Variants in DNAH1 observed in about 807,000 individuals in gnomAD.
DNAH1 encodes dynein axonemal heavy chain 1.
DNAH1 carries 327 observed loss-of-function variants against 484.3 expected under a neutral mutation model. The ratio of observed to expected loss-of-function variants is 0.68; its 90% confidence interval spans 0.62 to 0.74. The LOEUF is 0.74. Ranked by LOEUF, DNAH1 falls within the 30% of genes least tolerant of loss-of-function variation. The pLI is 0.00. For missense variants in DNAH1, 5,052 were observed against 5,546.8 expected (o/e 0.91, Z 2.83); for synonymous variants, 2,192 against 2,191.9 (o/e 1.00, Z 0.00).
At chr3:52,348,302 G>A (rs1165942186) in intron 12 of DNAH1, among the ~76,000 whole-genome samples, 2 of 152,164 alleles carry the variant, frequency 1.3e-5, no homozygotes, top group African/African-American at 2.4e-5. Flanking sequence ...TTGGAACTGC[G>A]ATCTGAACCC....
intron 48 of DNAH1, among the ~76,000 whole-genome samples, chr3:52,380,819 TC>T (rs1703812358): frequency 6.6e-6 from 1 of 152,336 alleles, no homozygotes; most frequent in East Asian, 1.9e-4. Context: ...GCAAGCAAGT[TC>T]CTACAAGGGA....
Position 52,344,545 on chromosome 3 carries a change from A to G in DNAH1, c.1342A>G (p.Ser448Gly). ...AGAAGTGAGCCTGGACTATGAGCGCAGCATGAACAAGATCAACTTTGACCA... is the reference window on the plus strand; with the variant it reads ...AGAAGTGAGCCTGGACTATGAGCGCGGCATGAACAAGATCAACTTTGACCA... ...AREVSLDYER[S>G]MNKINFDHVV... Residue 448 changes from serine (S) to glycine (G), a missense_variant, in exon 9 of 78, where the codon AGC (serine) becomes GGC (glycine). Ser to Gly is a moderately conservative substitution (Grantham distance 56). Transcript: ENST00000420323. 1 of 1,614,042 alleles carries G rather than the reference A, an allele frequency of 6.2e-7. No homozygotes were observed. Among genetic ancestry groups the G allele is most frequent in the Non-Finnish European group, 8.5e-7 (1 of 1,179,864 alleles).
At chr3:52,365,198 C>G (rs1703023687) in intron 34 of DNAH1, among the ~76,000 whole-genome samples, 179 bp downstream of exon 34, 1 of 152,238 alleles carries the variant, frequency 6.6e-6, no homozygotes, top group Non-Finnish European at 1.5e-5. Context: ...CCGGCCCAGT[C>G]TCCACCAAAA....
At position 52,388,401 on chromosome 3, in the gene DNAH1, C is replaced by A; in HGVS notation, c.9172-17C>A. 2 of 1,605,908 alleles carry A rather than the reference C, an allele frequency of 1.2e-6. No individual in the cohort carries two copies. Among genetic ancestry groups the A allele is most frequent in the South Asian group, 1.1e-5 (1 of 89,734 alleles). On this transcript the variant is annotated splice_polypyrimidine_tract_variant and intron_variant, in intron 57 of 77. Transcript: ENST00000420323. ...GGGGGTACTTGGCGAGCTAATCCTG[C>A]GCCCTCCGCCCCACAGCAAGCCCTG...
intron 8 of DNAH1, among the ~76,000 whole-genome samples, chr3:52,339,297 G>A (rs1701844428): frequency 6.7e-6 from 1 of 149,144 alleles, no homozygotes; most frequent in African/African-American, 2.5e-5. Flanking sequence ...GTTATATCCT[G>A]CCTTTCTTCA....
intron 11 of DNAH1, 142 bp downstream of exon 11, chr3:52,346,912 C>A: frequency 1.1e-6 from 1 of 908,178 alleles, no homozygotes; most frequent in Non-Finnish European, 1.6e-6. Flanking sequence ...TCCCTGCAGG[C>A]TGCTGGGCAA....
chr3:52,333,104 T>G (rs1701613304), intron 8 of DNAH1, among the ~76,000 whole-genome samples: 2 of 152,184 alleles, frequency 1.3e-5, no homozygotes, highest in Admixed American at 6.5e-5. Context: ...CAGGCTGGCC[T>G]TGAATGCCTA....
In DNAH1 at chr3:52,348,919, A is replaced by AC; in HGVS notation, c.2143dup (p.Leu715ProfsTer9). ...ATGGAGGACATCTTCATCAGCGGTG[A>AC]CCCCCTGCTGGAGTCCGTGGGCCTT... On this transcript the variant is annotated frameshift_variant, in exon 13 of 78. Coordinates refer to ENST00000420323, the MANE Select transcript of DNAH1 (RefSeq NM_015512.5). LOFTEE classifies it high-confidence loss of function. The AC allele has an allele frequency of 1.9e-6, 3 of 1,612,564 alleles. No individual in the cohort carries two copies. Among genetic ancestry groups the AC allele is most frequent in the Non-Finnish European group, 1.7e-6 (2 of 1,179,716 alleles).
In DNAH1 at chr3:52,369,989, T is replaced by A; in HGVS notation, c.6108T>A (p.His2036Gln). The change falls in exon 38 of 78, where the codon CAT becomes CAA. Residue 2036 changes from histidine (H) to glutamine (Q), a missense_variant. Transcript: ENST00000420323. ...LPPLLKPYEE[H>Q]FKALFVSFLE... ...CCTTGCTGAAGCCCTATGAGGAGCA[T>A]TTCAAGGCCCTCTTTGTCAGCTTCC... is the stretch of plus-strand genomic sequence containing the variant. 1 of 1,613,638 alleles carries A rather than the reference T, an allele frequency of 6.2e-7. No individual in the cohort carries two copies. The highest frequency in any genetic ancestry group is 1.1e-5 in the South Asian group (1 of 91,074).
At chr3:52,363,690 G>A (rs920941963) in intron 32 of DNAH1, among the ~76,000 whole-genome samples, 1 of 152,208 alleles carries the variant, frequency 6.6e-6, no homozygotes, top group Non-Finnish European at 1.5e-5. Context: ...CCTCTGGGCT[G>A]ACATGCTAGC....
chr3:52,379,966 TG>T lies in DNAH1; in HGVS notation c.7441del (p.Val2481Ter). On this transcript the variant is annotated frameshift_variant, in exon 48 of 78. Coordinates refer to ENST00000420323, the MANE Select transcript of DNAH1 (RefSeq NM_015512.5). LOFTEE classifies it high-confidence loss of function. This position sits in a 1 kb window ranked among gnomAD's most constrained non-coding sequence, Gnocchi z 4.4. ...HENCRVFRDR[L>X]VNEEDRSWFD... Reference sequence around the variant, plus strand: ...AACTGCCGCGTGTTCCGGGACCGACTGGTGAATGAGGAGGACCGCAGCTGGT... The same window carrying T: ...AACTGCCGCGTGTTCCGGGACCGACTGTGAATGAGGAGGACCGCAGCTGGT... 6.3e-7 allele frequency: 1 copy of T among 1,585,400 alleles called. No homozygotes were observed. The highest frequency in any genetic ancestry group is 8.6e-7 in the Non-Finnish European group (1 of 1,166,164).
chr3:52,397,248 G>C (rs191010095), intron 73 of DNAH1, among the ~76,000 whole-genome samples: 2 of 152,116 alleles, frequency 1.3e-5, no homozygotes, highest in East Asian at 3.9e-4. Context: ...CTCTGTGAGT[G>C]AACTCCTGGT....
chr3:52,398,050 CAA>C lies in DNAH1; in HGVS notation c.11980_11981del (p.Asn3994HisfsTer7). 6.2e-7 allele frequency: 1 copy of C among 1,613,814 alleles called. No homozygotes were observed. The highest frequency in any genetic ancestry group is 8.5e-7 in the Non-Finnish European group (1 of 1,179,832). ...CCTGCAGATAGTGGAGGACGTCACC[CAA>C]AACATTCTGCTCAAGGTGCCTGAGC... ...GREEIVEDVT[Q>X]NILLKVPEPI... is the part of the protein sequence containing the mutation. On this transcript the variant is annotated frameshift_variant, in exon 75 of 78. Transcript: ENST00000420323. LOFTEE classifies it high-confidence loss of function.
chr3:52,359,468 C>T, intron 26 of DNAH1, 82 bp downstream of exon 26: 4 of 1,516,988 alleles, frequency 2.6e-6, no homozygotes, highest in Non-Finnish European at 3.6e-6. Context: ...GAAGCTTTCT[C>T]CTATAGTGAG....
In DNAH1 at chr3:52,357,685, G is replaced by A. The variant is rs374009824; in HGVS notation, c.3930G>A (p.Val1310=). ...LRDCNKILDL[V]QKGLSEYLET... is the part of the protein sequence containing the mutation. ...ACTGCAACAAGATTCTGGACCTGGT[G>A]CAGAAGGGCCTCAGCGAGTATCTGG... Residue 1310 remains valine, a synonymous_variant, in exon 23 of 78, where the codon GTG becomes GTA. Coordinates refer to ENST00000420323, the MANE Select transcript of DNAH1 (RefSeq NM_015512.5). 3.1e-6 allele frequency: 5 copies of A among 1,592,462 alleles called. No homozygotes were observed. The highest frequency in any genetic ancestry group is 4.3e-6 in the Non-Finnish European group (5 of 1,169,072).
intron 43 of DNAH1, among the ~76,000 whole-genome samples, chr3:52,372,593 C>T (rs564638553): frequency 4.6e-5 from 7 of 152,348 alleles, no homozygotes; most frequent in East Asian, 1.9e-4. Flanking sequence ...AGCCAGTCAG[C>T]GAGTGGGTGC....
In DNAH1 at chr3:52,399,214, C is replaced by G; in HGVS notation, c.12441+13C>G. 6.3e-7 allele frequency: 1 copy of G among 1,589,920 alleles called. No homozygotes were observed. The highest frequency in any genetic ancestry group is 8.6e-7 in the Non-Finnish European group (1 of 1,166,388). ...CTTTGATTTCAAGGTCTGGGCACAG[C>G]CAGGGCCAGGTCAGGTGACAGGCTA... On this transcript the variant is annotated intron_variant, in intron 76 of 77. Coordinates refer to ENST00000420323, the MANE Select transcript of DNAH1 (RefSeq NM_015512.5).
Position 52,369,899 on chromosome 3 carries a change from G to A in DNAH1, c.6018G>A (p.Val2006=), listed in dbSNP as rs1703252442. Residue 2006 remains valine, a synonymous_variant, in exon 38 of 78, where the codon GTG becomes GTA. Transcript: ENST00000420323. ...SPATVSRCGM[V]YLEPSILGLM... Reference sequence around the variant, plus strand: ...CTACAGTCTCCCGCTGTGGCATGGTGTACCTGGAGCCCAGCATCCTGGGGC... The same window carrying A: ...CTACAGTCTCCCGCTGTGGCATGGTATACCTGGAGCCCAGCATCCTGGGGC... 1 of 1,613,994 alleles carries A rather than the reference G, an allele frequency of 6.2e-7. No individual in the cohort carries two copies. Among genetic ancestry groups the A allele is most frequent in the Non-Finnish European group, 8.5e-7 (1 of 1,179,878 alleles).
Position 52,384,063 on chromosome 3 carries a change from G to A in DNAH1, c.8322+32G>A, listed in dbSNP as rs760685610. ...GTCTTGCTGAAGCTCAGGCCCTTGG[G>A]GAGACCTGTTTAGCTTGGGGCATGG... is the stretch of plus-strand genomic sequence containing the variant. On this transcript the variant is annotated intron_variant, in intron 52 of 77. Transcript: ENST00000420323. The A allele has an allele frequency of 3.9e-6, 6 of 1,548,576 alleles. No homozygotes were observed. The African/African-American group carries it at 8.2e-5, about 21-fold the overall frequency.
Sources: gnomAD v4.1 joint callset for allele counts (sites outside exome capture counted in the v4.1 genomes callset) on GRCh38, gnomAD v4.1.1 for gene constraint, Gnocchi (gnomAD v3.1) non-coding constraint, MANE v1.5 for transcripts, NCBI Gene and HGNC (gene_info 2026-07-23, HGNC 2026-07-21) for gene names.